The following SLC1A2 variants were observed in gnomAD, a reference collection of about 807,000 sequenced individuals.
The protein encoded by SLC1A2 is solute carrier family 1 member 2.
In SLC1A2, 15 loss-of-function variants were observed where a neutral mutation model predicts 48.8. That is an observed-to-expected ratio of 0.31 (90% confidence interval 0.21 to 0.47). The LOEUF is 0.47. Ranked by LOEUF, SLC1A2 falls within the 20% of genes least tolerant of loss-of-function variation. The pLI is 0.99. For missense variants in SLC1A2, 502 were observed against 730.5 expected, an observed-to-expected ratio of 0.69 and a Z score of 3.61; for synonymous variants, 279 against 272.6, an observed-to-expected ratio of 1.02 and a Z score of -0.23.
At chr11:35,304,722 A>C (rs1851452579) in intron 5 of SLC1A2, among the ~76,000 whole-genome samples, 1 of 152,140 alleles carries the variant, frequency 6.6e-6, no homozygotes, top group Admixed American at 6.5e-5. Context: ...CTACCATTCT[A>C]GATGGCTAAG....
At chr11:35,310,418 C>T (rs920417961) in intron 4 of SLC1A2, among the ~76,000 whole-genome samples, 2 of 152,234 alleles carry the variant, frequency 1.3e-5, no homozygotes, top group Admixed American at 1.3e-4. Flanking sequence ...GCACCTTCTT[C>T]TCCAGCTTAT....
chr11:35,392,171 C>T (rs762144101), intron 1 of SLC1A2, among the ~76,000 whole-genome samples: 2 of 152,080 alleles, frequency 1.3e-5, no homozygotes, highest in Non-Finnish European at 1.5e-5. Flanking sequence ...ATTCTTTTTG[C>T]TTACACATAC....
intron 4 of SLC1A2, 76 bp from the exon 5 acceptor site, chr11:35,306,318 A>G: frequency 8.4e-7 from 1 of 1,194,714 alleles, no homozygotes. Context: ...TTGGCTACTC[A>G]TATATTTTAA....
Position 35,292,446 on chromosome 11 carries a change from C to T in SLC1A2, c.932G>A (p.Arg311Lys), listed in dbSNP as rs1234884310. The T allele has an allele frequency of 6.2e-7, 1 of 1,613,846 alleles. No homozygotes were observed. Among genetic ancestry groups the T allele is most frequent in the African/African-American group, 1.3e-5 (1 of 74,868 alleles). Residue 311 changes from arginine (R) to lysine (K), a missense_variant, in exon 7 of 11, where the codon AGG (arginine) becomes AAG (lysine). Arg to Lys is a conservative substitution (Grantham distance 26). This residue lies in a region of SLC1A2 where 309 missense variants were observed against 480.3 expected (regional missense o/e 0.64). Transcript: ENST00000278379. ...TGTTACCATGTACATCCCCAGTTGC[C>T]TAGCAACCACTTCTAAGTCCTTGAT... ...IAIKDLEVVA[R>K]QLGMYMVTVI...
At chr11:35,392,180 A>G (rs1380352440) in intron 1 of SLC1A2, among the ~76,000 whole-genome samples, 3 of 152,132 alleles carry the variant, frequency 2.0e-5, no homozygotes, top group African/African-American at 7.2e-5. Context: ...GCTTACACAT[A>G]CTTTTAAGTG....
chr11:35,391,902 G>A (rs575724759), intron 1 of SLC1A2, among the ~76,000 whole-genome samples: 13 of 152,246 alleles, frequency 8.5e-5, no homozygotes, highest in East Asian at 1.9e-4. Flanking sequence ...AAAAAGGAGC[G>A]TAGGAAAGAT....
chr11:35,273,674 T>C (rs369560090), intron 9 of SLC1A2, among the ~76,000 whole-genome samples: 117 of 152,322 alleles, frequency 7.7e-4, no homozygotes, highest in South Asian at 2.5e-3. Context: ...GGAGGCTCCA[T>C]TGGGATTTCT....
At chr11:35,391,111 C>T (rs993783589) in intron 1 of SLC1A2, 1 of 152,136 alleles carries the variant, frequency 6.6e-6, no homozygotes, top group African/African-American at 2.4e-5. Flanking sequence ...AACCATGGTC[C>T]ACAGGTCAAA....
intron 9 of SLC1A2, among the ~76,000 whole-genome samples, chr11:35,279,980 A>G (rs1850571654): frequency 6.6e-6 from 1 of 152,126 alleles, no homozygotes; most frequent in Non-Finnish European, 1.5e-5. Context: ...CTGAAGCATA[A>G]TTTACATACA....
At chr11:35,315,001 G>T (rs769015011) in intron 3 of SLC1A2, 22 bp downstream of exon 3, 6 of 1,592,788 alleles carry the variant, frequency 3.8e-6, no homozygotes, top group Non-Finnish European at 5.2e-6. Flanking sequence ...ATGTTAGCCA[G>T]GCACTAGTGA....
chr11:35,359,872 C>T (rs917808682), intron 1 of SLC1A2, among the ~76,000 whole-genome samples: 2 of 152,192 alleles, frequency 1.3e-5, no homozygotes, highest in African/African-American at 4.8e-5. Flanking sequence ...TATTTCAGCC[C>T]CTGGGAAAAG....
At chr11:35,389,423 T>C (rs1174617737) in intron 1 of SLC1A2, among the ~76,000 whole-genome samples, 2 of 148,652 alleles carry the variant, frequency 1.3e-5, no homozygotes, top group Non-Finnish European at 3.0e-5. Flanking sequence ...TGTTTTTAAC[T>C]ATTAGTATTT....
chr11:35,414,148 C>T (rs1855541941), intron 1 of SLC1A2, among the ~76,000 whole-genome samples: 1 of 152,134 alleles, frequency 6.6e-6, no homozygotes, highest in South Asian at 2.1e-4. Flanking sequence ...AGCAGTTCAG[C>T]CAACAGTGGT....
At chr11:35,396,852 G>A (rs1248469089) in intron 1 of SLC1A2, among the ~76,000 whole-genome samples, 1 of 151,662 alleles carries the variant, frequency 6.6e-6, no homozygotes, top group African/African-American at 2.4e-5. Flanking sequence ...AAATCAATGT[G>A]CAAAAATCAC....
chr11:35,346,378 C>T (rs7934047), intron 1 of SLC1A2, among the ~76,000 whole-genome samples: 29,547 of 152,074 alleles, frequency 0.19, 3,168 homozygotes, highest in Middle Eastern at 0.27. Context: ...ATGAGCCTCC[C>T]CAAGAATCAC....
intron 1 of SLC1A2, among the ~76,000 whole-genome samples, chr11:35,380,974 G>C (rs1854402664): frequency 6.6e-6 from 1 of 152,218 alleles, no homozygotes. Context: ...GAAGAAAAGA[G>C]AAGGAAAAGA....
intron 1 of SLC1A2, among the ~76,000 whole-genome samples, chr11:35,411,667 A>C (rs1475697817): frequency 6.6e-6 from 1 of 151,906 alleles, no homozygotes; most frequent in African/African-American, 2.4e-5. Flanking sequence ...AATCTGCAGC[A>C]GTTAGCTTTC....
At chr11:35,287,456 G>A (rs1278726590) in intron 7 of SLC1A2, among the ~76,000 whole-genome samples, 5 of 152,198 alleles carry the variant, frequency 3.3e-5, no homozygotes, top group Non-Finnish European at 2.9e-5. Flanking sequence ...AGCTGGACTT[G>A]CTAATTTCCA....
intron 1 of SLC1A2, among the ~76,000 whole-genome samples, chr11:35,346,834 C>T (rs1288663921): frequency 2.0e-5 from 3 of 152,192 alleles, no homozygotes; most frequent in African/African-American, 4.8e-5. Flanking sequence ...GGGGCATGTG[C>T]CAAGGCATGG....
Sources: allele counts gnomAD v4.1 joint callset (sites outside exome capture counted in the v4.1 genomes callset), GRCh38; gene constraint gnomAD v4.1.1; regional missense constraint gnomAD v4.1.1; transcripts MANE v1.5; gene names NCBI Gene and HGNC (gene_info 2026-07-23, HGNC 2026-07-21).